CDC42BPA: variants seen among roughly 807,000 people sequenced by gnomAD.
CDC42BPA encodes the protein CDC42 binding protein kinase alpha.
In CDC42BPA, 80 loss-of-function variants were observed where a neutral mutation model predicts 223.5. That is an observed-to-expected ratio of 0.36 (90% CI 0.30 to 0.43). CDC42BPA has a LOEUF of 0.43. Ranked by LOEUF, CDC42BPA falls within the 20% of genes least tolerant of loss-of-function variation. The pLI is 1.00. For missense variants in CDC42BPA, 1,743 were observed against 2,099.9 expected (o/e 0.83, Z 3.32); for synonymous variants, 694 against 718.6 (o/e 0.97, Z 0.55).
intron 7 of CDC42BPA, among the ~76,000 whole-genome samples, chr1:227,147,076 C>CT (rs1660834461): frequency 1.3e-5 from 2 of 152,172 alleles, no homozygotes; most frequent in South Asian, 4.1e-4. Context: ...TATACATATA[C>CT]TATAGTAAGC....
intron 1 of CDC42BPA, among the ~76,000 whole-genome samples, chr1:227,267,661 C>T (rs1685224581): frequency 1.3e-5 from 2 of 152,138 alleles, no homozygotes; most frequent in African/African-American, 4.8e-5. Flanking sequence ...GCTGGGGAGG[C>T]TTCAGAAAAC....
At chr1:227,061,908 C>T (rs889857589) in intron 21 of CDC42BPA, among the ~76,000 whole-genome samples, 20 of 152,326 alleles carry the variant, frequency 1.3e-4, no homozygotes, top group African/African-American at 4.8e-4. Flanking sequence ...CACTCCTCTT[C>T]CTTAAACTCC....
chr1:227,078,393 G>C, intron 17 of CDC42BPA, among the ~76,000 whole-genome samples: 1 of 152,100 alleles, frequency 6.6e-6, no homozygotes, highest in East Asian at 1.9e-4. Context: ...GTTACTTAAA[G>C]AAAAGTACTA....
chr1:227,030,865 C>T (rs1363179632), intron 28 of CDC42BPA, among the ~76,000 whole-genome samples: 1 of 152,042 alleles, frequency 6.6e-6, no homozygotes, highest in Non-Finnish European at 1.5e-5. Context: ...AAATTTAAAC[C>T]TCCAGACACA....
At chr1:227,054,048 A>C (rs572481264) in intron 21 of CDC42BPA, among the ~76,000 whole-genome samples, 1 of 152,306 alleles carries the variant, frequency 6.6e-6, no homozygotes, top group East Asian at 1.9e-4. Flanking sequence ...CATCTCAAGA[A>C]GTTTTAAGGT....
rs1304676513 is a variant in CDC42BPA, at chr1:227,000,205, C to T, written c.4975+4789G>A. On this transcript the variant is annotated intron_variant, in intron 35 of 36. Coordinates refer to ENST00000366766, the MANE Select transcript of CDC42BPA (RefSeq NM_001394014.1). ...TGACAACCTCACTCCTCAGGAGACA[C>T]GTTTCCCCTAACACTCCATCCCCAC... Among the ~76,000 whole-genome samples, 3 of 152,006 alleles carry T rather than the reference C, an allele frequency of 2.0e-5. No individual in the cohort carries two copies. In the East Asian group the frequency reaches 5.8e-4, roughly 29 times the overall value.
chr1:227,198,031 C>T (rs1671035751), intron 4 of CDC42BPA, among the ~76,000 whole-genome samples: 1 of 152,086 alleles, frequency 6.6e-6, no homozygotes, highest in African/African-American at 2.4e-5. Context: ...CTATAACCCA[C>T]AATAATATAT....
chr1:227,264,924 A>C, intron 1 of CDC42BPA: 2 of 1,244,558 alleles, frequency 1.6e-6, no homozygotes, highest in East Asian at 2.3e-5. Flanking sequence ...TCAATACCCC[A>C]CTCGGTATAT....
intron 5 of CDC42BPA, among the ~76,000 whole-genome samples, chr1:227,186,380 G>A (rs1285824057): frequency 6.6e-6 from 1 of 152,136 alleles, no homozygotes; most frequent in East Asian, 1.9e-4. Context: ...TATTTTAACA[G>A]AGCCTAATCT....
At chr1:227,119,979 A>C in intron 11 of CDC42BPA, 42 bp from the exon 12 acceptor site, 1 of 1,507,436 alleles carries the variant, frequency 6.6e-7, no homozygotes, top group Non-Finnish European at 8.9e-7. Context: ...TTTGTATAAA[A>C]GCAAATGATT....
intron 16 of CDC42BPA, among the ~76,000 whole-genome samples, chr1:227,083,111 T>C (rs1681053870): frequency 6.6e-6 from 1 of 151,966 alleles, no homozygotes; most frequent in Non-Finnish European, 1.5e-5. Flanking sequence ...TTGGAAAAAT[T>C]CTGGGCCATA....
Position 227,188,186 on chromosome 1 carries a change from T to G in CDC42BPA, c.599+5600A>C, listed in dbSNP as rs191279327. The stretch of plus-strand genomic sequence containing the variant: ...AGAATGCCAACAATGTACTCAAATA[T>G]GAATTATTACTTATGCATGAAATAA... On this transcript the variant is annotated intron_variant, in intron 5 of 36. Transcript: ENST00000366766. 8.0e-4 allele frequency among the ~76,000 whole-genome samples: 122 copies of G among 152,190 alleles called. 1 individual carries two copies. Among genetic ancestry groups the G allele is most frequent in the African/African-American group, 2.8e-3 (116 of 41,540 alleles).
chr1:227,148,854 AAGAG>A (rs530255822), intron 6 of CDC42BPA, among the ~76,000 whole-genome samples: 1 of 151,464 alleles, frequency 6.6e-6, no homozygotes, highest in Non-Finnish European at 1.5e-5. Flanking sequence ...CTTTTTTACA[AAGAG>A]AGATTCTTAG....
At position 227,204,300 on chromosome 1, in the gene CDC42BPA, G is replaced by A. The variant is rs181891144; in HGVS notation, c.355-4648C>T. Among the ~76,000 whole-genome samples, 505 of 152,146 alleles carry A rather than the reference G, an allele frequency of 3.3e-3. 3 individuals are homozygous for A. Among genetic ancestry groups the A allele is most frequent in the Middle Eastern group, 6.8e-3 (2 of 294 alleles). On this transcript the variant is annotated intron_variant, in intron 3 of 36. Transcript: ENST00000366766. ...TGTATCATTTTTAACTTATTTTTCA[G>A]TAAAAAGTTTTAAATGTAATTTTAA...
chr1:227,310,595 G>A (rs1444726938), intron 1 of CDC42BPA, among the ~76,000 whole-genome samples: 1 of 152,074 alleles, frequency 6.6e-6, no homozygotes, highest in East Asian at 1.9e-4. Context: ...GTGTGTAGAA[G>A]CTAGCTAGAA....
chr1:227,274,662 T>C (rs1686618690), intron 1 of CDC42BPA, among the ~76,000 whole-genome samples: 1 of 152,112 alleles, frequency 6.6e-6, no homozygotes, highest in South Asian at 2.1e-4. Flanking sequence ...AAAATCCAGT[T>C]ATATGCTGTT....
chr1:227,252,863 T>C (rs559868030), intron 2 of CDC42BPA, among the ~76,000 whole-genome samples: 1 of 152,194 alleles, frequency 6.6e-6, no homozygotes, highest in South Asian at 2.1e-4. Flanking sequence ...TATAACAAGG[T>C]ATAAGATCAA....
intron 5 of CDC42BPA, among the ~76,000 whole-genome samples, chr1:227,187,916 G>A (rs76872038): frequency 0.054 from 8,162 of 151,600 alleles, 246 homozygotes; most frequent in Non-Finnish European, 0.072. Context: ...ATATACTGCA[G>A]AATTATCCTT....
intron 1 of CDC42BPA, among the ~76,000 whole-genome samples, chr1:227,262,443 A>C (rs12038272): frequency 0.11 from 16,011 of 151,702 alleles, 1,042 homozygotes; most frequent in Middle Eastern, 0.16. Context: ...CACTCCTCCA[A>C]GAATAGTTTA....
Sources: allele counts gnomAD v4.1 joint callset (sites outside exome capture counted in the v4.1 genomes callset), GRCh38; gene constraint gnomAD v4.1.1; transcripts MANE v1.5; gene names NCBI Gene and HGNC (gene_info 2026-07-23, HGNC 2026-07-21).